TMIGD1: variants seen among roughly 807,000 people sequenced by gnomAD.
The protein encoded by TMIGD1 is transmembrane and immunoglobulin domain-containing protein 1.
A neutral mutation model predicts 27.5 loss-of-function variants in TMIGD1; 29 were observed. The observed-to-expected ratio is 1.05, with a 90% confidence interval of 0.78 to 1.44. The LOEUF (loss-of-function observed/expected upper bound fraction) is 1.44, where lower values mean the gene tolerates loss of function less well. TMIGD1 is among the 40% of genes most tolerant of loss of function. The probability of loss-of-function intolerance (pLI) is 0.00; values close to 1 mark genes in which losing one functional copy is unlikely to be tolerated. For synonymous variants in TMIGD1, 109 were observed against 110.3 expected (o/e 0.99, Z 0.07); for missense variants, 334 against 310.6 (o/e 1.08, Z -0.57).
chr17:30,325,100 A>G lies in TMIGD1; in HGVS notation c.362-6T>C. 3 of 1,602,230 alleles carry G rather than the reference A, an allele frequency of 1.9e-6. No individual in the cohort carries two copies. The highest frequency in any genetic ancestry group is 2.6e-6 in the Non-Finnish European group (3 of 1,172,852). ...TCCACTTAGGAGAGGAGGAACTGCA[A>G]GACTCAAGCATTTAGATTTAATTAG... On this transcript the variant is annotated splice_region_variant and splice_polypyrimidine_tract_variant and intron_variant, in intron 3 of 6. Coordinates refer to ENST00000328886, the MANE Select transcript of TMIGD1 (RefSeq NM_206832.3).
At chr17:30,325,120 A>C (rs1181508442) in intron 3 of TMIGD1, 26 bp from the exon 4 acceptor site, 1 of 1,589,246 alleles carries the variant, frequency 6.3e-7, no homozygotes, top group African/African-American at 1.4e-5. Context: ...ATTTAGATTT[A>C]ATTAGCAGAT....
chr17:30,327,064 A>C (rs1909807008), intron 3 of TMIGD1, among the ~76,000 whole-genome samples: 1 of 152,048 alleles, frequency 6.6e-6, no homozygotes, highest in African/African-American at 2.4e-5. Context: ...ACACACACAC[A>C]CACACACACA....
chr17:30,322,076 G>A (rs1317568001), intron 4 of TMIGD1, among the ~76,000 whole-genome samples: 2 of 152,000 alleles, frequency 1.3e-5, no homozygotes, highest in Non-Finnish European at 2.9e-5. Flanking sequence ...CAACCCTCCC[G>A]CTCGGTCTCC....
chr17:30,317,139 A>T, intron 6 of TMIGD1, 54 bp downstream of exon 6: 1 of 1,579,446 alleles, frequency 6.3e-7, no homozygotes, highest in South Asian at 1.1e-5. Context: ...GATGCATATC[A>T]CTGCTATTCA....
Position 30,316,581 on chromosome 17 carries a change from G to T in TMIGD1, c.*106C>A. On this transcript the variant is annotated 3_prime_UTR_variant, in exon 7 of 7. Coordinates refer to ENST00000328886, the MANE Select transcript of TMIGD1 (RefSeq NM_206832.3). The stretch of plus-strand genomic sequence containing the variant: ...CTGTTAAGTGATTAATGAAACAGGA[G>T]TGACAGGAGTGAATTTAATAATAGC... 1.8e-6 allele frequency: 2 copies of T among 1,133,228 alleles called. No individual in the cohort carries two copies. The highest frequency in any genetic ancestry group is 1.6e-5 in the African/African-American group (1 of 64,322). 70.2% of individuals were successfully genotyped at this position (1,133,228 alleles called of 1,614,324 possible).
At chr17:30,333,374 G>C (rs1041068491) in intron 1 of TMIGD1, among the ~76,000 whole-genome samples, 3 of 152,026 alleles carry the variant, frequency 2.0e-5, no homozygotes, top group Non-Finnish European at 4.4e-5. Context: ...CTGGGAGGTG[G>C]AGGTTGCAGT....
rs112237075 is a variant in TMIGD1 at position 30,328,037 on chromosome 17, C to CT, written c.361+1213dup. 8.7e-3 allele frequency among the ~76,000 whole-genome samples: 1,173 copies of CT among 135,588 alleles called. 7 individuals carry two copies. The highest frequency in any genetic ancestry group is 0.022 in the African/African-American group (803 of 37,310). The allele number at this position is 135,588 out of a possible 152,430, so 89.0% of individuals were successfully genotyped here. The stretch of plus-strand genomic sequence containing the variant: ...TGTTTAAAGATTCCCTAATGAAAAT[C>CT]TTTTTTTTTTTTTTTTGAGATGGGT... On this transcript the variant is annotated intron_variant, in intron 3 of 6. Coordinates refer to ENST00000328886, the MANE Select transcript of TMIGD1 (RefSeq NM_206832.3).
intron 4 of TMIGD1, 58 bp from the exon 5 acceptor site, chr17:30,318,971 C>T: frequency 8.2e-7 from 1 of 1,219,950 alleles, no homozygotes; most frequent in Non-Finnish European, 1.2e-6. Flanking sequence ...TCCAATACGT[C>T]CCAGCAATGG....
At chr17:30,326,992 G>T (rs1363540259) in intron 3 of TMIGD1, among the ~76,000 whole-genome samples, 1 of 150,954 alleles carries the variant, frequency 6.6e-6, no homozygotes, top group Non-Finnish European at 1.5e-5. Context: ...TTGATTTATT[G>T]GTTGATGACT....
intron 1 of TMIGD1, 43 bp from the exon 2 acceptor site, chr17:30,332,201 A>C (rs987209036): frequency 3.2e-6 from 4 of 1,241,806 alleles, no homozygotes; most frequent in Non-Finnish European, 4.7e-6. Context: ...TTTGGTCTGC[A>C]ATGAGTTCGT....
intron 5 of TMIGD1, among the ~76,000 whole-genome samples, chr17:30,318,467 C>T (rs1321840398): frequency 1.3e-5 from 2 of 152,114 alleles, no homozygotes; most frequent in Non-Finnish European, 2.9e-5. Context: ...GAATCTAGAG[C>T]GGATGTTCCT....
At chr17:30,325,231 A>G (rs1409807047) in intron 3 of TMIGD1, 137 bp from the exon 4 acceptor site, 8 of 867,342 alleles carry the variant, frequency 9.2e-6, no homozygotes. Flanking sequence ...ACGGTGTGAC[A>G]AGCACTGGGG....
At position 30,331,801 on chromosome 17, in the gene TMIGD1, G is replaced by C. The variant is rs147811837; in HGVS notation, c.82+251C>G. 6.6e-3 allele frequency among the ~76,000 whole-genome samples: 1,010 copies of C among 152,194 alleles called. 7 individuals carry two copies. The highest frequency in any genetic ancestry group is 0.013 in the African/African-American group (525 of 41,530). The stretch of plus-strand genomic sequence containing the variant: ...GATGGGGTTTCACCGTGTTAGCCAG[G>C]ATGGTCTCGATCTCCTGACCTCATG... On this transcript the variant is annotated intron_variant, in intron 2 of 6. Coordinates refer to ENST00000328886, the MANE Select transcript of TMIGD1 (RefSeq NM_206832.3).
At position 30,332,557 on chromosome 17, in the gene TMIGD1, T is replaced by C. The variant is rs73275765; in HGVS notation, c.-25-399A>G. Among the ~76,000 whole-genome samples the C allele has an allele frequency of 2.3e-3, 350 of 152,292 alleles. 1 individual carries two copies. The highest frequency in any genetic ancestry group is 7.9e-3 in the African/African-American group (327 of 41,570). The stretch of plus-strand genomic sequence containing the variant: ...TTTTCTTGGGTCATTTTTGTAAAGA[T>C]GTTCTCTGATAATAGAGAGTTTTTG... On this transcript the variant is annotated intron_variant, in intron 1 of 6. Coordinates refer to ENST00000328886, the MANE Select transcript of TMIGD1 (RefSeq NM_206832.3).
intron 6 of TMIGD1, chr17:30,316,927 T>C (rs1909434265): frequency 8.0e-6 from 5 of 626,724 alleles, no homozygotes; most frequent in African/African-American, 1.8e-5. Flanking sequence ...ATTTGCATTG[T>C]GTGGCAATAA....
chr17:30,331,316 TTTTC>T (rs916766084), intron 2 of TMIGD1, among the ~76,000 whole-genome samples: 5 of 129,086 alleles, frequency 3.9e-5, no homozygotes, highest in Non-Finnish European at 5.4e-5. Context: ...GGATTTGTAC[TTTTC>T]TTTTTTTTTT....
chr17:30,324,874 A>T lies in TMIGD1; in HGVS notation c.582T>A (p.Ser194Arg). 6.2e-7 allele frequency: 1 copy of T among 1,614,210 alleles called. No homozygotes were observed. Among genetic ancestry groups the T allele is most frequent in the Non-Finnish European group, 8.5e-7 (1 of 1,180,018 alleles). Residue 194 changes from serine to arginine, a missense_variant, in exon 4 of 7, where the codon AGT becomes AGA. Coordinates refer to ENST00000328886, the MANE Select transcript of TMIGD1 (RefSeq NM_206832.3). ...KVEKPDNGTY[S>R]CIAKSSLKTE... ...TTTTCAGAGATGACTTTGCAATACAACTGTAGGTTCCGTTGTCAGGCTTCT... is the reference window on the plus strand; with the variant it reads ...TTTTCAGAGATGACTTTGCAATACATCTGTAGGTTCCGTTGTCAGGCTTCT...
At chr17:30,331,582 GA>G (rs1364522678) in intron 2 of TMIGD1, among the ~76,000 whole-genome samples, 1 of 144,134 alleles carries the variant, frequency 6.9e-6, no homozygotes, top group Non-Finnish European at 1.5e-5. Flanking sequence ...TTTTCCATTT[GA>G]TTTTTTTTTT....
intron 2 of TMIGD1, among the ~76,000 whole-genome samples, 175 bp downstream of exon 2, chr17:30,331,877 C>T (rs1909990536): frequency 6.6e-6 from 1 of 152,148 alleles, no homozygotes; most frequent in African/African-American, 2.4e-5. Context: ...CGTGAGCCAC[C>T]CGCCTGGCCT....
Sources: allele counts gnomAD v4.1 joint callset (sites outside exome capture counted in the v4.1 genomes callset), GRCh38; gene constraint gnomAD v4.1.1; transcripts MANE v1.5; gene names NCBI Gene and HGNC (gene_info 2026-07-23, HGNC 2026-07-21).